FAT4: variants seen among roughly 807,000 people sequenced by gnomAD.
FAT4 encodes FAT atypical cadherin 4.
FAT4 carries 84 observed loss-of-function variants against 303.9 expected under a neutral mutation model. The observed-to-expected ratio is 0.28, with a 90% CI of 0.23 to 0.33. The LOEUF is 0.33. FAT4 is among the 10% of genes least tolerant of loss of function. The probability of loss-of-function intolerance (pLI) is 1.00; values close to 1 mark genes in which losing one functional copy is unlikely to be tolerated. For synonymous variants in FAT4, 2,307 were observed against 2,298.8 expected (o/e 1.00, Z -0.10); for missense variants, 6,005 against 6,146.8 (o/e 0.98, Z 0.77).
chr4:125,348,729 T>C lies in FAT4; in HGVS notation c.5175+27143T>C, dbSNP rs1732101116. Among the ~76,000 whole-genome samples the C allele has an allele frequency of 2.6e-5, 4 of 151,746 alleles. No individual in the cohort carries two copies. In the South Asian group the frequency reaches 8.3e-4, roughly 31 times the overall value. ...TCTGCATGGATAATAGCCATAATAA[T>C]GTTGATAATTCTATGTTTAATTGTG... On this transcript the variant is annotated intron_variant, in intron 2 of 17. Transcript: ENST00000394329.
chr4:125,442,169 A>C (rs1287438926), intron 8 of FAT4, among the ~76,000 whole-genome samples: 1 of 152,176 alleles, frequency 6.6e-6, no homozygotes, highest in South Asian at 2.1e-4. Flanking sequence ...CTATTGAAAG[A>C]TGGGTAGCCC....
Position 125,450,270 on chromosome 4 carries a change from A to C in FAT4, c.9260A>C (p.His3087Pro). ...ATAACTGTCACTGAGGAAAACTACC[A>C]TACACCTGAATTCTCTCAAAGCCAC... ...VHITVTEENYHTPEFSQSHMS... is the reference protein window; with the variant it reads ...VHITVTEENYPTPEFSQSHMS... Residue 3087 changes from histidine to proline, a missense_variant, in exon 10 of 18, where the codon CAT (histidine) becomes CCT (proline). Coordinates refer to ENST00000394329, the MANE Select transcript of FAT4 (RefSeq NM_001291303.3). The C allele has an allele frequency of 6.2e-7, 1 of 1,614,064 alleles. No individual in the cohort carries two copies. The highest frequency in any genetic ancestry group is 8.5e-7 in the Non-Finnish European group (1 of 1,179,996).
Position 125,458,998 on chromosome 4 carries a change from G to C in FAT4, c.11801-4565G>C, listed in dbSNP as rs548378723. Among the ~76,000 whole-genome samples the C allele has an allele frequency of 2.0e-5, 3 of 151,890 alleles. No homozygotes were observed. The East Asian group carries it at 5.8e-4, about 29-fold the overall frequency. On this transcript the variant is annotated intron_variant, in intron 10 of 17. Transcript: ENST00000394329. ...GGAAAATATATAAGATAAATGCCTA[G>C]AATGAATAGCATATATTTATTATAG...
chr4:125,406,001 T>C (rs556361719), intron 3 of FAT4, among the ~76,000 whole-genome samples: 7 of 152,280 alleles, frequency 4.6e-5, no homozygotes, highest in African/African-American at 1.7e-4. Flanking sequence ...TTCTCGACTG[T>C]TTACTGTAGA....
At chr4:125,461,265 A>C (rs1726472688) in intron 10 of FAT4, among the ~76,000 whole-genome samples, 1 of 152,066 alleles carries the variant, frequency 6.6e-6, no homozygotes, top group South Asian at 2.1e-4. Context: ...CAAAAAGAAC[A>C]ACACGTAAAT....
chr4:125,469,288 T>C (rs1272221283), intron 12 of FAT4, among the ~76,000 whole-genome samples: 1 of 152,116 alleles, frequency 6.6e-6, no homozygotes, highest in East Asian at 1.9e-4. Flanking sequence ...CTTGCCTTGA[T>C]ATTGGTGGCT....
Position 125,317,773 on chromosome 4 carries a change from G to T in FAT4, c.1362G>T (p.Ala454=), listed in dbSNP as rs1474299018. Residue 454 remains alanine, a synonymous_variant, in exon 2 of 18, where the codon GCG becomes GCT. Transcript: ENST00000394329. The surrounding 1 kb of genome is among the most constrained non-coding windows in gnomAD (Gnocchi z 7.0). ...YGAPPGAAVQ[A]RSSVASLVIF... is the part of the protein sequence containing the mutation. The stretch of plus-strand genomic sequence containing the variant: ...CGCCCCCTGGCGCAGCAGTCCAGGC[G>T]CGCTCTTCTGTGGCAAGCCTGGTGA... 3.1e-6 allele frequency: 5 copies of T among 1,614,146 alleles called. No homozygotes were observed. The highest frequency in any genetic ancestry group is 4.2e-6 in the Non-Finnish European group (5 of 1,180,040).
Position 125,452,099 on chromosome 4 carries a change from A to G in FAT4, c.11089A>G (p.Ser3697Gly). 1.2e-6 allele frequency: 2 copies of G among 1,614,198 alleles called. No homozygotes were observed. Among genetic ancestry groups the G allele is most frequent in the Non-Finnish European group, 1.7e-6 (2 of 1,180,034 alleles). Residue 3697 changes from serine to glycine, a missense_variant, in exon 10 of 18, where the codon AGC becomes GGC. By Grantham distance (56) the Ser-to-Gly change is moderately conservative. Transcript: ENST00000394329. ...TGATGGAGTTCACAGCACAGTCACGAGCAACATCCGAGTTTTCTTTGCTGG... is the reference window on the plus strand; with the variant it reads ...TGATGGAGTTCACAGCACAGTCACGGGCAACATCCGAGTTTTCTTTGCTGG... Reference protein sequence around the residue: ...SNDGVHSTVTSNIRVFFAGFS... With the variant: ...SNDGVHSTVTGNIRVFFAGFS...
intron 7 of FAT4, among the ~76,000 whole-genome samples, chr4:125,419,863 G>A (rs961582865): frequency 6.6e-6 from 1 of 152,192 alleles, no homozygotes; most frequent in Non-Finnish European, 1.5e-5. Flanking sequence ...TAGTTGGCCT[G>A]TTTCTTGAAA....
At chr4:125,376,090 T>A (rs1733302509) in intron 2 of FAT4, among the ~76,000 whole-genome samples, 2 of 152,220 alleles carry the variant, frequency 1.3e-5, no homozygotes, top group African/African-American at 4.8e-5. Flanking sequence ...TATCTAGCTA[T>A]TGCTGTGAAT....
intron 16 of FAT4, among the ~76,000 whole-genome samples, chr4:125,485,781 A>G (rs985927170): frequency 6.6e-6 from 1 of 152,230 alleles, no homozygotes; most frequent in African/African-American, 2.4e-5. Flanking sequence ...CTGGCAGCTC[A>G]GTAGGCTTGC....
intron 8 of FAT4, among the ~76,000 whole-genome samples, chr4:125,442,365 AT>A (rs981620751): frequency 2.6e-5 from 4 of 151,938 alleles, no homozygotes; most frequent in African/African-American, 7.2e-5. Context: ...TGAAACCAGG[AT>A]TTTTTTTAAC....
In FAT4 at chr4:125,315,454, C is replaced by A. The variant is rs1015027795; in HGVS notation, c.-536C>A. The stretch of plus-strand genomic sequence containing the variant: ...CTGGGGCCGCCGGAGAACGACCCCC[C>A]CTGGCATGGTGAGGGGAGGGCGACT... On this transcript the variant is annotated 5_prime_UTR_variant, in exon 1 of 18. Coordinates refer to ENST00000394329, the MANE Select transcript of FAT4 (RefSeq NM_001291303.3). 6.6e-6 allele frequency among the ~76,000 whole-genome samples: 1 copy of A among 152,182 alleles called. No homozygotes were observed. The highest frequency in any genetic ancestry group is 1.9e-4 in the East Asian group (1 of 5,170).
At chr4:125,456,870 T>C (rs1330225625) in intron 10 of FAT4, among the ~76,000 whole-genome samples, 2 of 152,288 alleles carry the variant, frequency 1.3e-5, no homozygotes, top group South Asian at 2.1e-4. Flanking sequence ...AATAGCTAGA[T>C]TTTACTTCAG....
intron 2 of FAT4, among the ~76,000 whole-genome samples, chr4:125,356,252 A>T (rs2125981736): frequency 6.6e-6 from 1 of 152,126 alleles, no homozygotes; most frequent in African/African-American, 2.4e-5. Context: ...GTATTCCTTG[A>T]CATGTCTTAA....
At position 125,406,935 on chromosome 4, in the gene FAT4, G is replaced by A. The variant is rs200898075; in HGVS notation, c.5363G>A (p.Arg1788His). Residue 1788 changes from arginine (R) to histidine (H), a missense_variant, in exon 4 of 18, where the codon CGC (arginine) becomes CAC (histidine). Transcript: ENST00000394329. ...TIISGADDSF[R>H]IDPESGDLIA... ...ATTAGTGGAGCTGATGATAGTTTTC[G>A]CATCGACCCAGAATCCGGAGATCTG... 6 of 1,613,796 alleles carry A rather than the reference G, an allele frequency of 3.7e-6. No individual in the cohort carries two copies. The highest frequency in any genetic ancestry group is 1.7e-4 in the Middle Eastern group (1 of 6,054).
In FAT4 at chr4:125,358,645, C is replaced by T. The variant is rs188997334; in HGVS notation, c.5175+37059C>T. ...AAGTGAGTGATGGGAAGATGGGAAG[C>T]GGCTATAAATAGAGATGAAGCTTCA... On this transcript the variant is annotated intron_variant, in intron 2 of 17. Transcript: ENST00000394329. 3.1e-4 allele frequency among the ~76,000 whole-genome samples: 47 copies of T among 152,214 alleles called. No individual in the cohort carries two copies. The East Asian group carries it at 4.1e-3, about 13-fold the overall frequency.
intron 7 of FAT4, among the ~76,000 whole-genome samples, chr4:125,419,811 T>C (rs191306422): frequency 2.0e-5 from 3 of 152,264 alleles, no homozygotes; most frequent in Admixed American, 2.0e-4. Flanking sequence ...TTGGCCAACA[T>C]GGAAGTATTT....
chr4:125,481,744 A>C lies in FAT4; in HGVS notation c.12822+6A>C. On this transcript the variant is annotated splice_donor_region_variant and intron_variant, in intron 16 of 17. Coordinates refer to ENST00000394329, the MANE Select transcript of FAT4 (RefSeq NM_001291303.3). ...GCAATTACACTACTGTGAAGGTGAGATAAAAGCTAATGGTGACTTCATTTG... is the reference window on the plus strand; with the variant it reads ...GCAATTACACTACTGTGAAGGTGAGCTAAAAGCTAATGGTGACTTCATTTG... 3 of 1,612,224 alleles carry C rather than the reference A, an allele frequency of 1.9e-6. No individual in the cohort carries two copies. Among genetic ancestry groups the C allele is most frequent in the Non-Finnish European group, 2.5e-6 (3 of 1,178,312 alleles).
Sources: gnomAD v4.1 joint callset for allele counts (sites outside exome capture counted in the v4.1 genomes callset) on GRCh38, gnomAD v4.1.1 for gene constraint, Gnocchi (gnomAD v3.1) non-coding constraint, MANE v1.5 for transcripts, NCBI Gene and HGNC (gene_info 2026-07-23, HGNC 2026-07-21) for gene names.